TBC1D12: variants seen among roughly 807,000 people sequenced by gnomAD.
TBC1D12 encodes TBC1 domain family, member 12.
A neutral mutation model predicts 86.7 loss-of-function variants in TBC1D12; 56 were observed. The observed-to-expected ratio is 0.65, with a 90% CI of 0.52 to 0.81. The LOEUF (loss-of-function observed/expected upper bound fraction) is 0.81, where lower values mean the gene tolerates loss of function less well. TBC1D12 is among the 30% of genes least tolerant of loss of function. TBC1D12 has a pLI of 0.00. For synonymous variants in TBC1D12, 421 were observed against 411.7 expected, an observed-to-expected ratio of 1.02 and a Z score of -0.27; for missense variants, 1,023 against 1,038.8, an observed-to-expected ratio of 0.98 and a Z score of 0.21.
chr10:94,519,188 C>T (rs1028688568), intron 9 of TBC1D12, among the ~76,000 whole-genome samples: 1 of 152,178 alleles, frequency 6.6e-6, no homozygotes, highest in Non-Finnish European at 1.5e-5. Flanking sequence ...TACTTAAACA[C>T]CATCTTAGGT....
intron 1 of TBC1D12, among the ~76,000 whole-genome samples, chr10:94,406,316 T>G (rs1273905931): frequency 6.6e-6 from 1 of 152,198 alleles, no homozygotes; most frequent in Non-Finnish European, 1.5e-5. Context: ...GGATTTGAAG[T>G]CAGAAAACAG....
chr10:94,525,717 G>GTATA (rs201432345), intron 11 of TBC1D12, among the ~76,000 whole-genome samples: 1,952 of 149,444 alleles, frequency 0.013, 34 homozygotes, highest in African/African-American at 0.044. Flanking sequence ...ATGTAACAAT[G>GTATA]TATATTACAT....
In TBC1D12 at chr10:94,403,224, T is replaced by A; in HGVS notation, c.611T>A (p.Leu204Gln). The change falls in exon 1 of 13, where the codon CTG (leucine) becomes CAG (glutamine). Residue 204 changes from leucine to glutamine, a missense_variant. Transcript: ENST00000225235. The part of the protein sequence containing the change: ...PLEDPLRSCC[L>Q]VAADAQEPEG... The stretch of plus-strand genomic sequence containing the variant: ...GAGGACCCGCTGCGGAGCTGCTGCC[T>A]GGTGGCCGCGGACGCCCAGGAGCCC... 2 of 1,507,152 alleles carry A rather than the reference T, an allele frequency of 1.3e-6. No individual in the cohort carries two copies. Among genetic ancestry groups the A allele is most frequent in the Non-Finnish European group, 1.8e-6 (2 of 1,129,878 alleles). 93.4% of individuals were successfully genotyped at this position (1,507,152 alleles called of 1,614,324 possible).
intron 3 of TBC1D12, among the ~76,000 whole-genome samples, chr10:94,476,084 C>T (rs1398196355): frequency 2.0e-5 from 3 of 152,080 alleles, no homozygotes; most frequent in East Asian, 3.9e-4. Flanking sequence ...GGACTACACG[C>T]GCACACCACC....
intron 5 of TBC1D12, 60 bp from the exon 6 acceptor site, chr10:94,500,161 C>A: frequency 6.9e-7 from 1 of 1,446,406 alleles, no homozygotes; most frequent in South Asian, 1.2e-5. Context: ...ATCCATCATG[C>A]AACTAGTATT....
At chr10:94,435,393 T>A (rs1362694522) in intron 1 of TBC1D12, among the ~76,000 whole-genome samples, 3 of 152,250 alleles carry the variant, frequency 2.0e-5, no homozygotes, top group Non-Finnish European at 4.4e-5. Context: ...TTGCTAAGAT[T>A]TTATATACAG....
At chr10:94,406,387 C>T (rs988404693) in intron 1 of TBC1D12, among the ~76,000 whole-genome samples, 1 of 152,172 alleles carries the variant, frequency 6.6e-6, no homozygotes, top group Non-Finnish European at 1.5e-5. Flanking sequence ...AATGTCAAGA[C>T]TCTAGGAGTC....
chr10:94,431,380 A>C (rs1431859109), intron 1 of TBC1D12, among the ~76,000 whole-genome samples: 1 of 151,142 alleles, frequency 6.6e-6, no homozygotes, highest in African/African-American at 2.4e-5. Context: ...GCACCATTGC[A>C]CTCCAGCCTG....
chr10:94,462,325 T>G (rs555596794), intron 2 of TBC1D12, among the ~76,000 whole-genome samples: 20 of 152,166 alleles, frequency 1.3e-4, no homozygotes, highest in Non-Finnish European at 2.6e-4. Context: ...ATAGTACATA[T>G]TTACATGACC....
intron 1 of TBC1D12, among the ~76,000 whole-genome samples, chr10:94,436,031 AATACC>A (rs1174030262): frequency 2.6e-5 from 4 of 152,166 alleles, no homozygotes; most frequent in African/African-American, 9.7e-5. Flanking sequence ...TCCCTGGGTC[AATACC>A]ATATGTTGTT....
At chr10:94,489,752 T>C (rs1564973561) in intron 3 of TBC1D12, among the ~76,000 whole-genome samples, 1 of 152,150 alleles carries the variant, frequency 6.6e-6, no homozygotes, top group Non-Finnish European at 1.5e-5. Context: ...TCCCAAGAAA[T>C]AGGGATGCCT....
Position 94,466,672 on chromosome 10 carries a change from A to C in TBC1D12, c.1096-7996A>C, listed in dbSNP as rs572865243. On this transcript the variant is annotated intron_variant, in intron 2 of 12. Transcript: ENST00000225235. The stretch of plus-strand genomic sequence containing the variant: ...TTATTATTGTGATACTGAAAAAACA[A>C]TACAGAGAATTCATAAATACCTCTC... Among the ~76,000 whole-genome samples, 3 of 152,326 alleles carry C rather than the reference A, an allele frequency of 2.0e-5. No individual in the cohort carries two copies. The East Asian group carries it at 5.8e-4, about 29-fold the overall frequency.
chr10:94,424,796 C>T (rs968685904), intron 1 of TBC1D12, among the ~76,000 whole-genome samples: 1 of 152,094 alleles, frequency 6.6e-6, no homozygotes, highest in African/African-American at 2.4e-5. Context: ...CAGGGCATAT[C>T]GAAGCAGATT....
rs753535296 is a variant in TBC1D12 at position 94,402,772 on chromosome 10, CGAG to C, written c.170_172del (p.Glu57del). 5 of 1,529,162 alleles carry C rather than the reference CGAG, an allele frequency of 3.3e-6. No homozygotes were observed. The highest frequency in any genetic ancestry group is 2.5e-5 in the East Asian group (1 of 40,714). The allele number at this position is 1,529,162 out of a possible 1,614,324, so 94.7% of individuals were successfully genotyped here. On this transcript the variant is annotated inframe_deletion, in exon 1 of 13. Coordinates refer to ENST00000225235, the MANE Select transcript of TBC1D12 (RefSeq NM_015188.2). ...CTGTGGAGCCGCCGGAGGAGGCTGA[CGAG>C]GAGGAGGAGGCTGACGAGGAGGAGG...
chr10:94,488,057 G>T (rs2056194150), intron 3 of TBC1D12, among the ~76,000 whole-genome samples: 1 of 151,934 alleles, frequency 6.6e-6, no homozygotes, highest in South Asian at 2.1e-4. Context: ...GCTGTTTCAG[G>T]TATTATTTTT....
chr10:94,409,374 C>CTTTTTTTT (rs71306819), intron 1 of TBC1D12, among the ~76,000 whole-genome samples: 1 of 125,410 alleles, frequency 8.0e-6, no homozygotes, highest in Admixed American at 8.6e-5. Context: ...ATTAAATTAA[C>CTTTTTTTT]TTTTTTTTTT....
At chr10:94,458,068 G>A (rs2055655136) in intron 2 of TBC1D12, among the ~76,000 whole-genome samples, 2 of 152,118 alleles carry the variant, frequency 1.3e-5, no homozygotes, top group African/African-American at 2.4e-5. Context: ...GCTATGGTTT[G>A]ATTGTTTATC....
At chr10:94,486,149 T>A (rs2056159620) in intron 3 of TBC1D12, among the ~76,000 whole-genome samples, 1 of 146,022 alleles carries the variant, frequency 6.8e-6, no homozygotes, top group Non-Finnish European at 1.5e-5. Flanking sequence ...CTTTTTTTTT[T>A]TTTTTTTTGT....
At chr10:94,510,560 G>A (rs926447485) in intron 8 of TBC1D12, among the ~76,000 whole-genome samples, 15 of 152,154 alleles carry the variant, frequency 9.9e-5, no homozygotes, top group African/African-American at 3.4e-4. Flanking sequence ...CATTAAAATA[G>A]GAAGAAATGG....
Sources: gnomAD v4.1 joint callset for allele counts (sites outside exome capture counted in the v4.1 genomes callset) on GRCh38, gnomAD v4.1.1 for gene constraint, MANE v1.5 for transcripts, NCBI Gene and HGNC (gene_info 2026-07-23, HGNC 2026-07-21) for gene names.